The following NCAM2 variants were observed in gnomAD, a reference collection of about 807,000 sequenced individuals.
NCAM2 encodes the protein neural cell adhesion molecule 2.
NCAM2 carries 30 observed loss-of-function variants against 98.1 expected under a neutral mutation model. That is an observed-to-expected ratio of 0.31 (90% CI 0.23 to 0.41). NCAM2 has a LOEUF of 0.41. Ranked by LOEUF, NCAM2 falls within the 10% of genes least tolerant of loss-of-function variation. The pLI, the probability that NCAM2 is intolerant of heterozygous loss-of-function variation, is 1.00. For synonymous variants in NCAM2, 368 were observed against 342.4 expected (o/e 1.07, Z -0.83); for missense variants, 867 against 1,005.8 (o/e 0.86, Z 1.87).
chr21:21,423,500 A>C (rs769997067), intron 11 of NCAM2, among the ~76,000 whole-genome samples: 13 of 152,202 alleles, frequency 8.5e-5, no homozygotes, highest in Non-Finnish European at 1.9e-4. Context: ...TCAAGGACCA[A>C]GGCTTAGTAA....
At chr21:21,248,543 G>A (rs1032094243) in intron 1 of NCAM2, among the ~76,000 whole-genome samples, 4 of 151,844 alleles carry the variant, frequency 2.6e-5, no homozygotes, top group East Asian at 1.9e-4. Flanking sequence ...TTGGGAGGCC[G>A]AGGCAAGCGG....
intron 6 of NCAM2, among the ~76,000 whole-genome samples, chr21:21,330,219 G>C (rs1054856132): frequency 6.6e-6 from 1 of 151,000 alleles, no homozygotes; most frequent in Non-Finnish European, 1.5e-5. Flanking sequence ...TTCCATTTTT[G>C]ATTGCTTAAG....
At chr21:21,419,517 C>G (rs111869153) in intron 11 of NCAM2, among the ~76,000 whole-genome samples, 4 of 112,272 alleles carry the variant, frequency 3.6e-5, no homozygotes, top group African/African-American at 1.0e-4. Flanking sequence ...TCCCTCCCCC[C>G]ACCCCACAAT....
intron 5 of NCAM2, among the ~76,000 whole-genome samples, chr21:21,298,083 C>A (rs2073558193): frequency 6.6e-6 from 1 of 151,544 alleles, no homozygotes; most frequent in South Asian, 2.1e-4. Context: ...CTCAGTAACC[C>A]CCAGGCAGTA....
intron 12 of NCAM2, among the ~76,000 whole-genome samples, chr21:21,434,922 CG>C (rs1569060562): frequency 6.6e-6 from 1 of 152,124 alleles, no homozygotes; most frequent in Non-Finnish European, 1.5e-5. Context: ...ATTGGGCTGT[CG>C]CTGTCACCTG....
chr21:21,286,839 T>A (rs2073120725), intron 4 of NCAM2, among the ~76,000 whole-genome samples: 1 of 151,956 alleles, frequency 6.6e-6, no homozygotes, highest in African/African-American at 2.4e-5. Context: ...TAAGCAGTAC[T>A]AAGTAAATGA....
At chr21:21,286,520 T>C (rs1013147178) in intron 4 of NCAM2, 108 bp downstream of exon 4, 41 of 1,211,338 alleles carry the variant, frequency 3.4e-5, no homozygotes, top group Non-Finnish European at 4.6e-5. Context: ...TGACCCCAAA[T>C]ATTCAACAAC....
At chr21:21,486,756 G>C (rs1192348840) in intron 15 of NCAM2, among the ~76,000 whole-genome samples, 1 of 152,050 alleles carries the variant, frequency 6.6e-6, no homozygotes, top group Non-Finnish European at 1.5e-5. Context: ...CATAACTCAA[G>C]GTCACTAAGT....
chr21:21,033,523 A>G (rs1001775318), intron 1 of NCAM2, among the ~76,000 whole-genome samples: 12 of 152,178 alleles, frequency 7.9e-5, no homozygotes, highest in African/African-American at 2.4e-4. Context: ...GAGATGACAA[A>G]GAGTGGGAGT....
chr21:21,189,806 C>T (rs951732153), intron 1 of NCAM2, among the ~76,000 whole-genome samples: 3 of 152,154 alleles, frequency 2.0e-5, no homozygotes, highest in African/African-American at 7.2e-5. Context: ...TTACTCCATT[C>T]TGATGCAAAG....
chr21:21,121,072 A>G (rs2066709966), intron 1 of NCAM2, among the ~76,000 whole-genome samples: 1 of 152,086 alleles, frequency 6.6e-6, no homozygotes, highest in Admixed American at 6.5e-5. Flanking sequence ...TGTTCTTTAT[A>G]TCTCTGTTGG....
chr21:21,058,868 C>A (rs1263054610), intron 1 of NCAM2, among the ~76,000 whole-genome samples: 3 of 151,990 alleles, frequency 2.0e-5, no homozygotes, highest in South Asian at 2.1e-4. Context: ...AATACAAATA[C>A]CTCCATGTGA....
chr21:21,135,154 G>A (rs991996914), intron 1 of NCAM2, among the ~76,000 whole-genome samples: 1 of 150,776 alleles, frequency 6.6e-6, no homozygotes, highest in South Asian at 2.1e-4. Context: ...GCTGAGGCAG[G>A]AGAATGGTGT....
chr21:21,351,859 G>T (rs908814464), intron 8 of NCAM2, among the ~76,000 whole-genome samples: 3 of 151,882 alleles, frequency 2.0e-5, no homozygotes, highest in African/African-American at 7.3e-5. Context: ...TGATTCTCCC[G>T]CCTCAGCCTC....
At chr21:21,242,730 C>A (rs1356912714) in intron 1 of NCAM2, among the ~76,000 whole-genome samples, 2 of 152,178 alleles carry the variant, frequency 1.3e-5, no homozygotes, top group Admixed American at 1.3e-4. Flanking sequence ...ATCCATCTAT[C>A]TGATGATGGA....
chr21:20,998,724 A>G, intron 1 of NCAM2, 106 bp downstream of exon 1: 2 of 1,058,610 alleles, frequency 1.9e-6, no homozygotes, highest in Non-Finnish European at 2.9e-6. Flanking sequence ...AACTAAAGTT[A>G]CAGTTATTGC....
intron 9 of NCAM2, among the ~76,000 whole-genome samples, chr21:21,377,065 A>C (rs2076050114): frequency 6.6e-6 from 1 of 151,800 alleles, no homozygotes. Flanking sequence ...AATGAGTTGA[A>C]TGGCTCTTAT....
At chr21:21,097,465 A>T (rs2066147003) in intron 1 of NCAM2, among the ~76,000 whole-genome samples, 1 of 151,722 alleles carries the variant, frequency 6.6e-6, no homozygotes. Flanking sequence ...TCATTTTATT[A>T]TATGTGGACA....
intron 1 of NCAM2, among the ~76,000 whole-genome samples, chr21:21,021,821 G>C (rs994099459): frequency 3.3e-5 from 5 of 152,034 alleles, no homozygotes; most frequent in African/African-American, 1.2e-4. Flanking sequence ...ATATAATCCA[G>C]TGTTAGAGTT....
Sources: gnomAD v4.1 joint callset for allele counts (sites outside exome capture counted in the v4.1 genomes callset) on GRCh38, gnomAD v4.1.1 for gene constraint, MANE v1.5 for transcripts, NCBI Gene and HGNC (gene_info 2026-07-23, HGNC 2026-07-21) for gene names.